The following RPAP2 variants were observed in gnomAD, a reference collection of about 807,000 sequenced individuals.
RPAP2 encodes RNA polymerase II associated protein 2.
Under a neutral mutation model 73.1 loss-of-function variants are expected in RPAP2, and 52 were observed. That is an observed-to-expected ratio of 0.71 (90% CI 0.57 to 0.90). The LOEUF is 0.90. RPAP2 is among the 40% of genes least tolerant of loss of function. RPAP2 has a pLI of 0.00. For missense variants in RPAP2, 598 were observed against 701.8 expected, an observed-to-expected ratio of 0.85 and a Z score of 1.67; for synonymous variants, 225 against 242.1, an observed-to-expected ratio of 0.93 and a Z score of 0.65.
Position 92,393,122 on chromosome 1 carries a change from C to T in RPAP2, c.*6111C>T, listed in dbSNP as rs1434136925. On this transcript the variant is annotated 3_prime_UTR_variant, in exon 13 of 13. Transcript: ENST00000610020. ...TAACCAAAACAGCATGGCACTGGTA[C>T]AAAAACAGATATGCAGACGAATGGA... The T allele has an allele frequency of 6.6e-6, 1 of 152,148 alleles. No homozygotes were observed. The highest frequency in any genetic ancestry group is 1.5e-5 in the Non-Finnish European group (1 of 68,028). 9.4% of individuals were successfully genotyped at this position (152,148 alleles called of 1,614,324 possible). A position where few individuals can be genotyped will look rare whatever the true frequency, so the allele number is the denominator to read the frequency against.
At chr1:92,343,091 C>A (rs1257497265) in intron 10 of RPAP2, among the ~76,000 whole-genome samples, 1 of 150,456 alleles carries the variant, frequency 6.6e-6, no homozygotes, top group Non-Finnish European at 1.5e-5. Flanking sequence ...TTTGTTTATA[C>A]AGGAGAGAAG....
intron 5 of RPAP2, among the ~76,000 whole-genome samples, chr1:92,305,228 C>T (rs1025988613): frequency 8.6e-5 from 13 of 151,640 alleles, no homozygotes; most frequent in African/African-American, 2.9e-4. Flanking sequence ...GTCAGGAAAT[C>T]GAGACCATCC....
At chr1:92,357,705 T>C (rs150999900) in intron 11 of RPAP2, among the ~76,000 whole-genome samples, 3 of 152,322 alleles carry the variant, frequency 2.0e-5, no homozygotes, top group Non-Finnish European at 4.4e-5. Flanking sequence ...CTAATTTTTG[T>C]ATTTTTAATA....
At chr1:92,343,403 C>T (rs1319829276) in intron 10 of RPAP2, among the ~76,000 whole-genome samples, 1 of 152,154 alleles carries the variant, frequency 6.6e-6, no homozygotes, top group Non-Finnish European at 1.5e-5. Flanking sequence ...CAAAATAAAA[C>T]ACTACTGAGG....
intron 12 of RPAP2, among the ~76,000 whole-genome samples, chr1:92,382,521 T>G (rs1655687717): frequency 1.3e-5 from 2 of 152,188 alleles, no homozygotes; most frequent in Non-Finnish European, 2.9e-5. Flanking sequence ...TGATGGCCAG[T>G]GATGATGAGC....
At chr1:92,372,916 A>G (rs542146627) in intron 11 of RPAP2, among the ~76,000 whole-genome samples, 282 of 152,308 alleles carry the variant, frequency 1.9e-3, no homozygotes, top group African/African-American at 6.4e-3. Context: ...CCTCATCTCA[A>G]TCTTCCAAAT....
intron 12 of RPAP2, 25 bp downstream of exon 12, chr1:92,380,898 G>C: frequency 2.0e-6 from 3 of 1,513,254 alleles, no homozygotes; most frequent in Non-Finnish European, 2.6e-6. Flanking sequence ...GTTTTATTTT[G>C]GTTTTTATTC....
intron 10 of RPAP2, among the ~76,000 whole-genome samples, chr1:92,341,163 C>T (rs909368908): frequency 3.9e-5 from 6 of 152,034 alleles, no homozygotes; most frequent in African/African-American, 1.4e-4. Context: ...CACACACCAG[C>T]ATGCCCCGCC....
chr1:92,381,714 CCTAT>C (rs1190679034), intron 12 of RPAP2, among the ~76,000 whole-genome samples: 1 of 151,200 alleles, frequency 6.6e-6, no homozygotes, highest in East Asian at 1.9e-4. Flanking sequence ...TGCCTCTAAT[CCTAT>C]CTCTTTCCCA....
chr1:92,373,753 A>AT (rs1557630324), intron 11 of RPAP2, among the ~76,000 whole-genome samples: 4 of 145,490 alleles, frequency 2.7e-5, no homozygotes, highest in Non-Finnish European at 4.5e-5. Flanking sequence ...AAAAAAAAAA[A>AT]AAAAAAAAAA....
chr1:92,396,632 T>TTGTGTGTGTGTG lies in RPAP2; in HGVS notation c.*9622_*9623insGTGTGTGTGTGT. ...CTAAGTTGTAATTTTTGCACAACTT[T>TTGTGTGTGTGTG]TATGTGTGTGTGTGTGTGTGTGTGT... is the stretch of plus-strand genomic sequence containing the variant. On this transcript the variant is annotated 3_prime_UTR_variant, in exon 13 of 13. Transcript: ENST00000610020. The TTGTGTGTGTGTG allele has an allele frequency of 1.1e-5, 1 of 90,520 alleles. No homozygotes were observed. Among genetic ancestry groups the TTGTGTGTGTGTG allele is most frequent in the South Asian group, 5.4e-4 (1 of 1,838 alleles). The allele number at this position is 90,520 out of a possible 1,614,324, so 5.6% of individuals were successfully genotyped here.
intron 3 of RPAP2, among the ~76,000 whole-genome samples, chr1:92,302,706 A>T (rs1173361624): frequency 7.3e-6 from 1 of 137,622 alleles, no homozygotes; most frequent in African/African-American, 2.7e-5. Flanking sequence ...TGTTCACGCC[A>T]TTCTCCTGCC....
At chr1:92,353,708 G>T (rs529906729) in intron 11 of RPAP2, among the ~76,000 whole-genome samples, 29 of 152,134 alleles carry the variant, frequency 1.9e-4, no homozygotes, top group Admixed American at 1.6e-3. Context: ...TGAAGTTTAA[G>T]TATTTACCTG....
chr1:92,304,157 A>G, intron 4 of RPAP2, 82 bp downstream of exon 4: 3 of 1,249,772 alleles, frequency 2.4e-6, no homozygotes, highest in Non-Finnish European at 3.5e-6. Flanking sequence ...TAAGAAATAA[A>G]ACCTAAGGTC....
chr1:92,310,768 A>G (rs1418662903), intron 6 of RPAP2, among the ~76,000 whole-genome samples: 4 of 152,042 alleles, frequency 2.6e-5, no homozygotes, highest in Non-Finnish European at 5.9e-5. Context: ...GTGCTGGAAC[A>G]TGCCTGTAGC....
At chr1:92,372,061 A>T (rs1655179121) in intron 11 of RPAP2, among the ~76,000 whole-genome samples, 1 of 152,184 alleles carries the variant, frequency 6.6e-6, no homozygotes, top group African/African-American at 2.4e-5. Context: ...AGCTTGACGC[A>T]GTCATTCCAC....
At chr1:92,315,886 G>A (rs892196462) in intron 6 of RPAP2, among the ~76,000 whole-genome samples, 2 of 152,160 alleles carry the variant, frequency 1.3e-5, no homozygotes, top group African/African-American at 2.4e-5. Context: ...GACCTAGAAT[G>A]GTCTGGGTCG....
chr1:92,332,441 C>T (rs1653022944), intron 8 of RPAP2, among the ~76,000 whole-genome samples: 1 of 152,048 alleles, frequency 6.6e-6, no homozygotes, highest in African/African-American at 2.4e-5. Flanking sequence ...GGATTGATCT[C>T]TGTAGGCTGT....
chr1:92,299,247 G>T, intron 1 of RPAP2, 101 bp downstream of exon 1: 2 of 597,610 alleles, frequency 3.3e-6, no homozygotes, highest in Non-Finnish European at 5.4e-6. Context: ...GGCTGCTTCA[G>T]GGGAGGGGTT....
Sources: gnomAD v4.1 joint callset for allele counts (sites outside exome capture counted in the v4.1 genomes callset) on GRCh38, gnomAD v4.1.1 for gene constraint, MANE v1.5 for transcripts, NCBI Gene and HGNC (gene_info 2026-07-23, HGNC 2026-07-21) for gene names.